PI4KB: variants seen among roughly 807,000 people sequenced by gnomAD.
PI4KB encodes phosphatidylinositol 4-kinase beta.
Under a neutral mutation model 81.4 loss-of-function variants are expected in PI4KB, and 23 were observed. The observed-to-expected ratio is 0.28, with a 90% CI of 0.20 to 0.40. PI4KB has a LOEUF of 0.40. PI4KB is among the 10% of genes least tolerant of loss of function. The probability of loss-of-function intolerance (pLI) is 1.00; values close to 1 mark genes in which losing one functional copy is unlikely to be tolerated. For missense variants in PI4KB, 651 were observed against 1,036.6 expected, an observed-to-expected ratio of 0.63 and a Z score of 5.11; for synonymous variants, 381 against 406.8, an observed-to-expected ratio of 0.94 and a Z score of 0.76.
chr1:151,312,776 G>A (rs1647303190), intron 2 of PI4KB, among the ~76,000 whole-genome samples: 1 of 152,210 alleles, frequency 6.6e-6, no homozygotes, highest in South Asian at 2.1e-4. Flanking sequence ...TGACTTGGGA[G>A]GCTGAGGCGA....
chr1:151,326,190 C>T (rs373205705), intron 1 of PI4KB: 3 of 1,611,902 alleles, frequency 1.9e-6, no homozygotes, highest in African/African-American at 1.3e-5. Flanking sequence ...TCAATTTCCA[C>T]GCAGGCCTGT....
intron 3 of PI4KB, among the ~76,000 whole-genome samples, 189 bp from the exon 4 acceptor site, chr1:151,307,990 C>T (rs1056896971): frequency 6.6e-6 from 1 of 152,200 alleles, no homozygotes; most frequent in Non-Finnish European, 1.5e-5. Context: ...GAATAGCCAG[C>T]ACATTCCTTC....
At chr1:151,302,060 T>A (rs766009550) in intron 7 of PI4KB, 93 bp from the exon 8 acceptor site, 5 of 1,593,816 alleles carry the variant, frequency 3.1e-6, no homozygotes, top group Non-Finnish European at 4.3e-6. Flanking sequence ...AAACGCCCCA[T>A]AGGGCAAGGA....
At chr1:151,303,007 T>C (rs1695428713) in intron 6 of PI4KB, among the ~76,000 whole-genome samples, 1 of 146,258 alleles carries the variant, frequency 6.8e-6, no homozygotes, top group African/African-American at 2.5e-5. Context: ...TTTTTTTTTT[T>C]TTTTTTTTTG....
rs192078842 is a variant in PI4KB, at chr1:151,291,828, G to A, written c.*1024C>T. On this transcript the variant is annotated 3_prime_UTR_variant, in exon 12 of 12. Coordinates refer to ENST00000368873, the MANE Select transcript of PI4KB (RefSeq NM_001369623.2). ...CTCTCAGGAATCCTTTATTCTTGTA[G>A]TAATAATAATACTAACAAACAGTTG... 1 of 152,656 alleles carries A rather than the reference G, an allele frequency of 6.6e-6. No homozygotes were observed. Among genetic ancestry groups the A allele is most frequent in the East Asian group, 1.9e-4 (1 of 5,186 alleles). The allele number at this position is 152,656 out of a possible 1,614,324, so 9.5% of individuals were successfully genotyped here.
upstream of PI4KB, chr1:151,327,649 T>C (rs1571243369): frequency 2.8e-6 from 1 of 356,456 alleles, no homozygotes; most frequent in South Asian, 1.5e-4. Context: ...ACCGATTCCA[T>C]AGTAATCTAA....
At chr1:151,304,449 T>C (rs997391157) in intron 5 of PI4KB, among the ~76,000 whole-genome samples, 2 of 151,462 alleles carry the variant, frequency 1.3e-5, no homozygotes, top group Non-Finnish European at 2.9e-5. Flanking sequence ...GTTCAAGCGA[T>C]TCTCCTGCCT....
intron 1 of PI4KB, among the ~76,000 whole-genome samples, chr1:151,316,820 G>A (rs959598104): frequency 6.6e-6 from 1 of 151,912 alleles, no homozygotes; most frequent in South Asian, 2.1e-4. Context: ...TCTTTTTGTT[G>A]TTGTTGTTGT....
At chr1:151,327,440 T>A (rs1649826732), upstream of PI4KB, 1 of 397,480 alleles carries the variant, frequency 2.5e-6, no homozygotes, top group Non-Finnish European at 4.4e-6. Context: ...CGGCGCCGCC[T>A]GAGGGGGCCT....
chr1:151,307,832 G>A (rs762354216), intron 3 of PI4KB, 31 bp from the exon 4 acceptor site: 13 of 1,516,262 alleles, frequency 8.6e-6, no homozygotes, highest in Non-Finnish European at 1.2e-5. Flanking sequence ...ACAAAAGATG[G>A]TGAAGAAACC....
At chr1:151,307,534 G>T in intron 4 of PI4KB, 40 bp downstream of exon 4, 1 of 1,382,294 alleles carries the variant, frequency 7.2e-7, no homozygotes, top group Non-Finnish European at 1.0e-6. Context: ...TGGGTGAAGA[G>T]TCACGTCCAG....
chr1:151,298,790 G>T lies in PI4KB; in HGVS notation c.2015+18C>A. 1 of 1,605,480 alleles carries T rather than the reference G, an allele frequency of 6.2e-7. No individual in the cohort carries two copies. The highest frequency in any genetic ancestry group is 1.1e-5 in the South Asian group (1 of 90,892). On this transcript the variant is annotated intron_variant, in intron 9 of 11. Transcript: ENST00000368873. The stretch of plus-strand genomic sequence containing the variant: ...GAACCCTGGAGAAATGTTAGGATGA[G>T]CAGCAGAAGTCACCTACCTGTCCTT...
Position 151,327,396 on chromosome 1 carries a change from A to T in PI4KB, c.-154T>A. 1 of 397,952 alleles carries T rather than the reference A, an allele frequency of 2.5e-6. No homozygotes were observed. Among genetic ancestry groups the T allele is most frequent in the East Asian group, 3.6e-5 (1 of 28,040 alleles). 24.7% of individuals were successfully genotyped at this position (397,952 alleles called of 1,614,324 possible). On this transcript the variant is annotated 5_prime_UTR_variant, in exon 1 of 12. Transcript: ENST00000368873. ...TGCGCTTCCCTGACAGCGGCCGCGG[A>T]GGCTGCACCAGGCCCCGGCTGCGGG... is the stretch of plus-strand genomic sequence containing the variant.
intron 4 of PI4KB, among the ~76,000 whole-genome samples, chr1:151,306,947 C>T (rs776740761): frequency 1.4e-4 from 21 of 152,100 alleles, no homozygotes; most frequent in Non-Finnish European, 2.2e-4. Flanking sequence ...TGGTGGCAGG[C>T]GCCTGTAATC....
intron 6 of PI4KB, chr1:151,303,321 G>T (rs1312837564): frequency 2.0e-6 from 1 of 495,438 alleles, no homozygotes; most frequent in East Asian, 3.7e-5. Context: ...TCATCCCTTT[G>T]GAGTCTTTTT....
intron 3 of PI4KB, 28 bp from the exon 4 acceptor site, chr1:151,307,829 A>T (rs769090168): frequency 6.5e-7 from 1 of 1,532,178 alleles, no homozygotes; most frequent in East Asian, 2.2e-5. Context: ...AAGACAAAAG[A>T]TGGTGAAGAA....
At chr1:151,302,995 GTTT>G (rs775167343) in intron 6 of PI4KB, among the ~76,000 whole-genome samples, 2 of 107,134 alleles carry the variant, frequency 1.9e-5, no homozygotes, top group Non-Finnish European at 3.9e-5. Flanking sequence ...GTGCTTTCTT[GTTT>G]TTTTTTTTTT....
intron 6 of PI4KB, 66 bp from the exon 7 acceptor site, chr1:151,302,364 CT>C (rs1336832307): frequency 1.9e-6 from 2 of 1,053,950 alleles, no homozygotes; most frequent in Non-Finnish European, 3.0e-6. Flanking sequence ...CCAGTCTATA[CT>C]GACATTTCCT....
Position 151,302,118 on chromosome 1 carries a change from A to G in PI4KB, c.1625+76T>C, listed in dbSNP as rs1431599060. ...CAGATTTTTTTGGAGGCTGATGGAC[A>G]ATAAAGTTGGTGCAGTGAGCACTTA... On this transcript the variant is annotated intron_variant, in intron 7 of 11. Transcript: ENST00000368873. 1.6e-5 allele frequency: 25 copies of G among 1,541,638 alleles called. 1 individual carries two copies. Among genetic ancestry groups the G allele is most frequent in the South Asian group, 2.2e-5 (2 of 89,370 alleles).
Sources: allele counts gnomAD v4.1 joint callset (sites outside exome capture counted in the v4.1 genomes callset), GRCh38; gene constraint gnomAD v4.1.1; transcripts MANE v1.5; gene names NCBI Gene and HGNC (gene_info 2026-07-23, HGNC 2026-07-21).